The following GFI1B variants were observed in gnomAD, a reference collection of about 807,000 sequenced individuals.
The protein encoded by GFI1B is zinc finger protein Gfi-1b.
In GFI1B, 20 loss-of-function variants were observed where a neutral mutation model predicts 35.3. The observed-to-expected ratio is 0.57, with a 90% CI of 0.40 to 0.82. The LOEUF (loss-of-function observed/expected upper bound fraction) is 0.82. Ranked by LOEUF, GFI1B falls within the 40% of genes least tolerant of loss-of-function variation. The pLI, the probability that GFI1B is intolerant of heterozygous loss-of-function variation, is 0.00. For missense variants in GFI1B, 430 were observed against 446.3 expected (o/e 0.96, Z 0.33); for synonymous variants, 178 against 177.6 (o/e 1.00, Z -0.02).
intron 1 of GFI1B, chr9:132,952,303 G>GT (rs1268379135): frequency 6.6e-6 from 1 of 151,984 alleles, no homozygotes. Context: ...AAATAAAACA[G>GT]TTTTATCTCT....
chr9:132,947,809 C>CAAAAAA (rs58406908), intron 1 of GFI1B, among the ~76,000 whole-genome samples: 2 of 86,080 alleles, frequency 2.3e-5, no homozygotes, highest in Admixed American at 1.1e-4. Context: ...ACTTGGTCTC[C>CAAAAAA]AAAAAAAAAA....
downstream of GFI1B, among the ~76,000 whole-genome samples, chr9:132,992,037 C>T (rs1416812112): frequency 6.6e-6 from 1 of 152,158 alleles, no homozygotes; most frequent in East Asian, 1.9e-4. Context: ...AAATGAGTCT[C>T]ATGGGGCTAA....
At chr9:132,990,573 C>T (rs1190854406) in intron 6 of GFI1B, among the ~76,000 whole-genome samples, 1 of 152,210 alleles carries the variant, frequency 6.6e-6, no homozygotes, top group Non-Finnish European at 1.5e-5. Flanking sequence ...TGCCTCCTTG[C>T]TATTAGCTGA....
intron 1 of GFI1B, among the ~76,000 whole-genome samples, chr9:132,979,246 C>CTTTTTTTT (rs34125755): frequency 1.2e-4 from 11 of 95,634 alleles, no homozygotes; most frequent in Non-Finnish European, 1.5e-4. Context: ...TCCTGGGACA[C>CTTTTTTTT]TTTTTTTTTT....
chr9:132,966,655 C>T (rs1354155502), intron 1 of GFI1B, among the ~76,000 whole-genome samples: 1 of 152,212 alleles, frequency 6.6e-6, no homozygotes, highest in African/African-American at 2.4e-5. Context: ...CTGTGGAGAA[C>T]AGGATGTTTG....
chr9:132,975,262 C>A (rs1392333917), upstream of GFI1B: 1 of 152,204 alleles, frequency 6.6e-6, no homozygotes, highest in African/African-American at 2.4e-5. Flanking sequence ...GATCTTTGTT[C>A]TTTTTCTTTC....
chr9:132,977,625 A>C (rs1848669019), upstream of GFI1B, among the ~76,000 whole-genome samples: 2 of 152,130 alleles, frequency 1.3e-5, no homozygotes, highest in Non-Finnish European at 2.9e-5. Context: ...AACCTCCTGA[A>C]ATAAATCAGT....
chr9:132,954,936 C>T (rs1848260719), intron 1 of GFI1B, among the ~76,000 whole-genome samples: 1 of 152,096 alleles, frequency 6.6e-6, no homozygotes, highest in Non-Finnish European at 1.5e-5. Flanking sequence ...CCAGGATGGT[C>T]TCGATCTCTT....
upstream of GFI1B, chr9:132,975,347 G>A (rs559985638): frequency 1.3e-5 from 2 of 152,204 alleles, no homozygotes; most frequent in African/African-American, 4.8e-5. Flanking sequence ...AATGAACTTG[G>A]CTGCTGTCAG....
intron 1 of GFI1B, among the ~76,000 whole-genome samples, chr9:132,964,257 T>C (rs1397319623): frequency 1.3e-5 from 2 of 152,044 alleles, no homozygotes; most frequent in Non-Finnish European, 2.9e-5. Context: ...AATAAATTAA[T>C]TAAATAAAAA....
upstream of GFI1B, among the ~76,000 whole-genome samples, chr9:132,974,447 A>G (rs1261317975): frequency 6.6e-6 from 1 of 151,766 alleles, no homozygotes; most frequent in Admixed American, 6.6e-5. Flanking sequence ...TAAAAACACA[A>G]AAAAATTAGC....
At chr9:132,977,948 A>G (rs77630707), upstream of GFI1B, among the ~76,000 whole-genome samples, 19,349 of 152,216 alleles carry the variant, frequency 0.13, 1,380 homozygotes, top group African/African-American at 0.2. Flanking sequence ...CTACCCGCTC[A>G]AAGGTCATAT....
intron 2 of GFI1B, 24 bp from the exon 3 acceptor site, chr9:132,987,258 G>A: frequency 1.2e-6 from 2 of 1,612,134 alleles, no homozygotes; most frequent in Non-Finnish European, 1.7e-6. Context: ...GGCTATTGAT[G>A]CTGATGGTCC....
At position 132,985,611 on chromosome 9, in the gene GFI1B, G is replaced by A. The variant is rs376128028; in HGVS notation, c.-20-1048G>A. On this transcript the variant is annotated intron_variant, in intron 1 of 6. Transcript: ENST00000372122. ...CCGTGCTCTGGCGGCTGTGGCTTGC[G>A]GCTTGCAGGAGCACGTGGATTGGCA... Among the ~76,000 whole-genome samples the A allele has an allele frequency of 3.2e-3, 485 of 152,256 alleles. 3 individuals carry two copies. Among genetic ancestry groups the A allele is most frequent in the African/African-American group, 0.011 (441 of 41,548 alleles).
At chr9:132,967,176 A>G (rs533737163) in intron 1 of GFI1B, among the ~76,000 whole-genome samples, 16 of 152,144 alleles carry the variant, frequency 1.1e-4, no homozygotes, top group South Asian at 1.0e-3. Context: ...GCCTTTCTCC[A>G]TGGAGTAATG....
intron 1 of GFI1B, among the ~76,000 whole-genome samples, chr9:132,982,008 C>T (rs1848840339): frequency 1.3e-5 from 2 of 152,228 alleles, no homozygotes; most frequent in South Asian, 2.1e-4. Flanking sequence ...CTGCCTTGGC[C>T]TCCCAAAGTG....
intron 1 of GFI1B, chr9:132,972,722 C>G (rs1187324735): frequency 6.6e-6 from 1 of 152,176 alleles, no homozygotes; most frequent in Non-Finnish European, 1.5e-5. Flanking sequence ...TCACTTTTTT[C>G]AGGCTGGTTT....
At chr9:132,947,861 G>A (rs1256085205) in intron 1 of GFI1B, among the ~76,000 whole-genome samples, 5 of 150,702 alleles carry the variant, frequency 3.3e-5, no homozygotes, top group Non-Finnish European at 5.9e-5. Flanking sequence ...GGAATCAGAA[G>A]TGAGGTACAG....
At chr9:132,974,323 C>T (rs1189430234), upstream of GFI1B, among the ~76,000 whole-genome samples, 4 of 152,194 alleles carry the variant, frequency 2.6e-5, no homozygotes, top group South Asian at 4.1e-4. Flanking sequence ...GATGGCCAGG[C>T]GCGGTGGCTC....
Sources: gnomAD v4.1 joint callset for allele counts (sites outside exome capture counted in the v4.1 genomes callset) on GRCh38, gnomAD v4.1.1 for gene constraint, MANE v1.5 for transcripts, NCBI Gene and HGNC (gene_info 2026-07-23, HGNC 2026-07-21) for gene names.